Variants in MICALL2 observed in about 807,000 individuals in gnomAD.
MICALL2 encodes the protein MICAL like 2, also known as MICAL-like protein 2.
MICALL2 carries 111 observed loss-of-function variants against 91.1 expected under a neutral mutation model. The ratio of observed to expected loss-of-function variants is 1.22; its 90% confidence interval spans 1.04 to 1.43. The LOEUF (loss-of-function observed/expected upper bound fraction) is 1.43, where lower values mean the gene tolerates loss of function less well. Among genes scored for constraint, MICALL2 ranks in the 40% most tolerant of loss-of-function variants. MICALL2 has a pLI of 0.00. For synonymous variants in MICALL2, 694 were observed against 525.3 expected (o/e 1.32, Z -4.39); for missense variants, 1,556 against 1,236.0 (o/e 1.26, Z -3.88).
rs774136336 is a variant in MICALL2 at position 1,447,667 on chromosome 7, C to T, written c.433G>A (p.Ala145Thr). ...PVQAAKLPSP[A>T]PARKPPLSPA... ...GATAGTGGAGGCTTCCGGGCTGGGG[C>T]GGGCGAGGGCAGCTTGGCCGCCTGG... Residue 145 changes from alanine to threonine, a missense_variant, in exon 4 of 17, where the codon GCC becomes ACC. Coordinates refer to ENST00000297508, the MANE Select transcript of MICALL2 (RefSeq NM_182924.4). 1.3e-5 allele frequency: 20 copies of T among 1,586,348 alleles called. No homozygotes were observed. The Admixed American group carries it at 2.1e-4, about 17-fold the overall frequency.
At chr7:1,434,980 T>TGGCCC in intron 16 of MICALL2, 121 bp downstream of exon 16, 11 of 628,918 alleles carry the variant, frequency 1.7e-5, no homozygotes, top group African/African-American at 4.0e-5. Flanking sequence ...GGGGACCCGA[T>TGGCCC]ACCCGCCCCC....
chr7:1,455,131 C>T (rs1780966990), intron 1 of MICALL2, among the ~76,000 whole-genome samples: 1 of 152,268 alleles, frequency 6.6e-6, no homozygotes, highest in Non-Finnish European at 1.5e-5. Context: ...GCCCTCCCTC[C>T]AGCCCTGCTC....
rs577525803 is a variant in MICALL2, at chr7:1,440,837, G to A, written c.1712-153C>T. On this transcript the variant is annotated intron_variant, in intron 7 of 16. Coordinates refer to ENST00000297508, the MANE Select transcript of MICALL2 (RefSeq NM_182924.4). ...CCGGCCGGGGGGCATCAGGAGCACC[G>A]GGCAGGGAGTCAGGGGAGGGGCTCC... 107 of 642,960 alleles carry A rather than the reference G, an allele frequency of 1.7e-4. 1 individual carries two copies. The highest frequency in any genetic ancestry group is 1.3e-3 in the South Asian group (78 of 58,164). 39.8% of individuals were successfully genotyped at this position (642,960 alleles called of 1,614,324 possible).
chr7:1,437,264 G>A (rs565641225), intron 14 of MICALL2: 26 of 516,290 alleles, frequency 5.0e-5, no homozygotes, highest in East Asian at 3.7e-4. Context: ...GAATTGATTC[G>A]TTTAATCCTC....
chr7:1,440,015 CT>C lies in MICALL2; in HGVS notation c.1875del (p.Gly626AlafsTer11). ...ATGTGGACACTCCCAGCAAAGCTGC[CT>C]GAGACCTTCCTGGGGGCCTCCCCCG... ...PRAGEAPRKV[S>X]GSFAGSVHIT... On this transcript the variant is annotated frameshift_variant, in exon 9 of 17. Transcript: ENST00000297508. LOFTEE classifies it high-confidence loss of function. 2 of 1,566,264 alleles carry C rather than the reference CT, an allele frequency of 1.3e-6. No individual in the cohort carries two copies. The highest frequency in any genetic ancestry group is 1.7e-6 in the Non-Finnish European group (2 of 1,165,424).
intron 8 of MICALL2, 105 bp from the exon 9 acceptor site, chr7:1,440,190 G>T: frequency 7.1e-7 from 1 of 1,408,240 alleles, no homozygotes; most frequent in South Asian, 1.3e-5. Context: ...GGAGCAGGTG[G>T]CCTTCTGAGC....
At chr7:1,442,531 C>T (rs766241552) in intron 6 of MICALL2, 47 bp from the exon 7 acceptor site, 13 of 1,499,430 alleles carry the variant, frequency 8.7e-6, no homozygotes, top group Admixed American at 6.9e-5. Flanking sequence ...TCCAGGCGCC[C>T]TCCCACCATC....
chr7:1,437,419 C>CA, intron 14 of MICALL2, 116 bp downstream of exon 14: 1 of 885,586 alleles, frequency 1.1e-6, no homozygotes, highest in Non-Finnish European at 1.6e-6. Context: ...CGCCTGGCTC[C>CA]AGGGAAGGTC....
intron 1 of MICALL2, among the ~76,000 whole-genome samples, chr7:1,457,628 C>T (rs1008969990): frequency 1.3e-5 from 2 of 152,258 alleles, no homozygotes; most frequent in Admixed American, 1.3e-4. Flanking sequence ...CATGCACATG[C>T]ACCTGTGCTC....
chr7:1,437,599 G>A lies in MICALL2; in HGVS notation c.2412C>T (p.Ala804=), dbSNP rs1257862683. Residue 804 remains alanine (A), a synonymous_variant, in exon 14 of 17, where the codon GCC becomes GCT. Transcript: ENST00000297508. ...QESELMYKSK[A]QRLEEQQLDI... is the part of the protein sequence containing the mutation. ...CCAGCTGCTGCTCCTCCAGACGCTG[G>A]GCCTTGGACCTGCCGCACAGACACG... is the stretch of plus-strand genomic sequence containing the variant. The A allele has an allele frequency of 9.7e-6, 15 of 1,538,780 alleles. No homozygotes were observed. The highest frequency in any genetic ancestry group is 1.4e-5 in the African/African-American group (1 of 72,862).
chr7:1,445,538 G>A, intron 5 of MICALL2, 110 bp from the exon 6 acceptor site: 1 of 1,100,250 alleles, frequency 9.1e-7, no homozygotes, highest in Non-Finnish European at 1.3e-6. Context: ...CACTTGCGAG[G>A]TTGCTGAACG....
intron 6 of MICALL2, 146 bp from the exon 7 acceptor site, chr7:1,442,630 A>AGCTCACTCCCAATGCCCAG (rs2128521512): frequency 2.9e-6 from 2 of 700,424 alleles, no homozygotes; most frequent in African/African-American, 4.1e-5. Flanking sequence ...GCCACCCTCC[A>AGCTCACTCCCAATGCCCAG]CCTCCCCCAC....
chr7:1,436,673 C>G, intron 15 of MICALL2, 69 bp downstream of exon 15: 2 of 1,236,190 alleles, frequency 1.6e-6, no homozygotes, highest in South Asian at 1.4e-5. Flanking sequence ...CTGGCTGACC[C>G]TGAGGGCCGG....
Position 1,459,189 on chromosome 7 carries a change from G to C in MICALL2, c.138C>G (p.Asp46Glu), listed in dbSNP as rs140243785. 61 of 1,609,778 alleles carry C rather than the reference G, an allele frequency of 3.8e-5. No homozygotes were observed. The African/African-American group carries it at 7.0e-4, about 18-fold the overall frequency. Reference protein sequence around the residue: ...FCAILHRHRPDLINFSALKKE... With the variant: ...FCAILHRHRPELINFSALKKE... ...GGGCGCCAGGCAGGACTTACATGAGGTCGGGCCGGTGGCGGTGCAGGATGG... is the reference window on the plus strand; with the variant it reads ...GGGCGCCAGGCAGGACTTACATGAGCTCGGGCCGGTGGCGGTGCAGGATGG... Residue 46 changes from aspartate (D) to glutamate (E), a missense_variant, in exon 1 of 17, where the codon GAC (aspartate) becomes GAG (glutamate). Asp to Glu is a conservative substitution (Grantham distance 45). Transcript: ENST00000297508.
intron 7 of MICALL2, chr7:1,440,942 G>A (rs1449900573): frequency 4.1e-6 from 2 of 492,484 alleles, no homozygotes; most frequent in Non-Finnish European, 7.5e-6. Flanking sequence ...CTGCCGAATG[G>A]GTGGGGACGT....
chr7:1,454,588 C>T (rs1003764787), intron 1 of MICALL2, among the ~76,000 whole-genome samples: 4 of 152,172 alleles, frequency 2.6e-5, no homozygotes, highest in Non-Finnish European at 4.4e-5. Context: ...AGCCCCCTCC[C>T]GCGCCCGTCC....
chr7:1,440,068 TC>T lies in MICALL2; in HGVS notation c.1822del (p.Glu608AsnfsTer29), dbSNP rs1376227685. ...CCTCGGCTCTGCCAGGGCCCGTGGT[TC>T]CTTGGGCTTCAGAGTCCTGGGCAGA... ...SPAERTLKPK[E>X]PRALAEPRAG... On this transcript the variant is annotated frameshift_variant, in exon 9 of 17. Coordinates refer to ENST00000297508, the MANE Select transcript of MICALL2 (RefSeq NM_182924.4). LOFTEE classifies it high-confidence loss of function. 1 of 1,588,226 alleles carries T rather than the reference TC, an allele frequency of 6.3e-7. No individual in the cohort carries two copies. Among genetic ancestry groups the T allele is most frequent in the Non-Finnish European group, 8.5e-7 (1 of 1,172,108 alleles).
In MICALL2 at chr7:1,459,111, G is replaced by A; in HGVS notation, c.143+73C>T. ...GGCTCCCCATCCCCCAGCCGCCCGG[G>A]CCTCAGTTTCCCCGCCCGTGTCAGC... On this transcript the variant is annotated intron_variant, in intron 1 of 16. Coordinates refer to ENST00000297508, the MANE Select transcript of MICALL2 (RefSeq NM_182924.4). The A allele has an allele frequency of 5.5e-6, 8 of 1,456,554 alleles. No individual in the cohort carries two copies. In the South Asian group the frequency reaches 8.8e-5, roughly 16 times the overall value. 90.2% of individuals were successfully genotyped at this position (1,456,554 alleles called of 1,614,324 possible). A position where few individuals can be genotyped will look rare whatever the true frequency, so the allele number is the denominator to read the frequency against.
chr7:1,455,896 C>T (rs568638472), intron 1 of MICALL2, among the ~76,000 whole-genome samples: 8 of 152,068 alleles, frequency 5.3e-5, no homozygotes, highest in South Asian at 2.1e-4. Flanking sequence ...GTGGCAAGGG[C>T]GGGGCCTCAC....
Sources: gnomAD v4.1 joint callset for allele counts (sites outside exome capture counted in the v4.1 genomes callset) on GRCh38, gnomAD v4.1.1 for gene constraint, MANE v1.5 for transcripts, NCBI Gene and HGNC (gene_info 2026-07-23, HGNC 2026-07-21) for gene names.